XIRP2: variants seen among roughly 807,000 people sequenced by gnomAD.
XIRP2 encodes the protein xin actin-binding repeat-containing protein 2.
Under a neutral mutation model 277.0 loss-of-function variants are expected in XIRP2, and 236 were observed. That is an observed-to-expected ratio of 0.85 (90% CI 0.77 to 0.95). XIRP2 has a LOEUF of 0.95. XIRP2 is among the 40% of genes least tolerant of loss of function. XIRP2 has a pLI of 0.00. For synonymous variants in XIRP2, 1,490 were observed against 1,416.5 expected (o/e 1.05, Z -1.17); for missense variants, 4,640 against 4,157.5 (o/e 1.12, Z -3.19).
chr2:166,914,441 C>T (rs143446613), intron 2 of XIRP2, among the ~76,000 whole-genome samples: 72 of 152,142 alleles, frequency 4.7e-4, no homozygotes, highest in South Asian at 1.5e-3. Context: ...CCCAGGTTTA[C>T]GCCATTCTCC....
intron 3 of XIRP2, among the ~76,000 whole-genome samples, chr2:167,164,710 T>G (rs1692471840): frequency 6.6e-6 from 1 of 152,140 alleles, no homozygotes; most frequent in Non-Finnish European, 1.5e-5. Context: ...ATTATCCTTT[T>G]AGATTTTTAA....
At chr2:167,202,284 A>G (rs1199369395) in intron 3 of XIRP2, among the ~76,000 whole-genome samples, 1 of 152,168 alleles carries the variant, frequency 6.6e-6, no homozygotes, top group Non-Finnish European at 1.5e-5. Context: ...AATGTTTAAG[A>G]GCAGTATGAT....
intron 2 of XIRP2, among the ~76,000 whole-genome samples, chr2:166,928,375 C>T (rs1299834257): frequency 6.6e-6 from 1 of 152,096 alleles, no homozygotes; most frequent in East Asian, 1.9e-4. Flanking sequence ...GGTTATACCA[C>T]ATAAGGAGGT....
chr2:167,252,556 T>C (rs73012054), intron 9 of XIRP2, among the ~76,000 whole-genome samples: 2,790 of 152,030 alleles, frequency 0.018, 53 homozygotes, highest in African/African-American at 0.047. Flanking sequence ...TTCTAAAAAA[T>C]AAACTAAATC....
At chr2:167,154,561 A>C (rs541912320) in intron 3 of XIRP2, among the ~76,000 whole-genome samples, 288 of 152,108 alleles carry the variant, frequency 1.9e-3, no homozygotes, top group African/African-American at 6.8e-3. Context: ...TTAAGTCTTT[A>C]ATCCATCTGA....
rs183446327 is a variant in XIRP2 at position 167,157,481 on chromosome 2, G to A, written c.562+21419G>A. On this transcript the variant is annotated intron_variant, in intron 3 of 10. Transcript: ENST00000409195. ...TTTATATGAACCAAAAGGGAGAAGC[G>A]TGTGCATTTACATTGTATAAGTATG... Among the ~76,000 whole-genome samples, 11 of 152,154 alleles carry A rather than the reference G, an allele frequency of 7.2e-5. 1 individual carries two copies. The highest frequency in any genetic ancestry group is 3.9e-4 in the East Asian group (2 of 5,180).
At chr2:167,011,476 G>A (rs1232116355) in intron 2 of XIRP2, among the ~76,000 whole-genome samples, 1 of 151,618 alleles carries the variant, frequency 6.6e-6, no homozygotes, top group East Asian at 1.9e-4. Flanking sequence ...CGGTTTGCCA[G>A]TATTTTATTG....
At chr2:166,902,322 T>C (rs1337079926) in intron 1 of XIRP2, among the ~76,000 whole-genome samples, 1 of 152,126 alleles carries the variant, frequency 6.6e-6, no homozygotes, top group Non-Finnish European at 1.5e-5. Context: ...TATATACATT[T>C]ATTAATCTAA....
intron 2 of XIRP2, among the ~76,000 whole-genome samples, chr2:167,072,236 T>C (rs998839088): frequency 6.6e-6 from 1 of 152,172 alleles, no homozygotes; most frequent in Non-Finnish European, 1.5e-5. Flanking sequence ...ACATTTTGCC[T>C]CTCTGGAAAT....
intron 2 of XIRP2, among the ~76,000 whole-genome samples, chr2:166,921,516 AC>A (rs1685040219): frequency 1.3e-5 from 2 of 152,098 alleles, no homozygotes; most frequent in Non-Finnish European, 2.9e-5. Context: ...TATTAAAAAT[AC>A]CCCTTTCATT....
intron 2 of XIRP2, among the ~76,000 whole-genome samples, chr2:167,004,724 G>A (rs908665622): frequency 6.6e-6 from 1 of 151,714 alleles, no homozygotes; most frequent in Non-Finnish European, 1.5e-5. Flanking sequence ...AGAATCTAGG[G>A]CACCAATTTG....
intron 5 of XIRP2, among the ~76,000 whole-genome samples, chr2:167,228,719 C>T (rs961476048): frequency 1.3e-5 from 2 of 152,036 alleles, no homozygotes; most frequent in African/African-American, 2.4e-5. Flanking sequence ...GATCCAATTG[C>T]TTTGAAAAAA....
At chr2:167,179,914 C>G (rs1446634127) in intron 3 of XIRP2, among the ~76,000 whole-genome samples, 1 of 152,120 alleles carries the variant, frequency 6.6e-6, no homozygotes, top group African/African-American at 2.4e-5. Context: ...ACCCAAAGTA[C>G]TGGATTACAG....
chr2:166,934,686 C>T (rs1012351262), intron 2 of XIRP2, among the ~76,000 whole-genome samples: 1 of 152,072 alleles, frequency 6.6e-6, no homozygotes, highest in Non-Finnish European at 1.5e-5. Context: ...GCTTTGCCAC[C>T]TATGGACACA....
chr2:167,211,044 C>T, intron 4 of XIRP2, 149 bp downstream of exon 4: 1 of 977,922 alleles, frequency 1.0e-6, no homozygotes, highest in South Asian at 1.9e-5. Flanking sequence ...TCCAGACTAT[C>T]TGAATTTAAG....
intron 2 of XIRP2, among the ~76,000 whole-genome samples, chr2:166,932,422 C>G (rs1685368056): frequency 6.6e-6 from 1 of 152,010 alleles, no homozygotes; most frequent in Non-Finnish European, 1.5e-5. Context: ...CTATATTGCC[C>G]AGGCTGGTCT....
chr2:166,951,387 C>T (rs1186995102), intron 2 of XIRP2, among the ~76,000 whole-genome samples: 13 of 151,514 alleles, frequency 8.6e-5, no homozygotes, highest in African/African-American at 2.9e-4. Flanking sequence ...ATGGCAAGAG[C>T]AGGAGAAACA....
chr2:167,102,773 A>C (rs112029515), intron 2 of XIRP2, among the ~76,000 whole-genome samples: 1 of 152,170 alleles, frequency 6.6e-6, no homozygotes, highest in Non-Finnish European at 1.5e-5. Flanking sequence ...TTATAGTGTC[A>C]TATTTATTCC....
intron 2 of XIRP2, among the ~76,000 whole-genome samples, chr2:166,906,825 TCTGAGTCAGGAGGATCC>T (rs1558910776): frequency 6.6e-6 from 1 of 151,900 alleles, no homozygotes. Context: ...GGCTTGGGAG[TCTGAGTCAGGAGGATCC>T]CTTGATCCCA....
Sources: allele counts gnomAD v4.1 joint callset (sites outside exome capture counted in the v4.1 genomes callset), GRCh38; gene constraint gnomAD v4.1.1; transcripts MANE v1.5; gene names NCBI Gene and HGNC (gene_info 2026-07-23, HGNC 2026-07-21).